The following ARAP2 variants were observed in gnomAD, a reference collection of about 807,000 sequenced individuals.
The protein encoded by ARAP2 is arf-GAP with Rho-GAP domain, ANK repeat and PH domain-containing protein 2.
ARAP2 carries 148 observed loss-of-function variants against 194.5 expected under a neutral mutation model. That is an observed-to-expected ratio of 0.76 (90% CI 0.67 to 0.87). The LOEUF (loss-of-function observed/expected upper bound fraction) is 0.87, where lower values mean the gene tolerates loss of function less well. Among genes scored for constraint, ARAP2 ranks in the 40% least tolerant of loss-of-function variants. The pLI, the probability that ARAP2 is intolerant of heterozygous loss-of-function variation, is 0.00. For synonymous variants in ARAP2, 695 were observed against 683.5 expected, an observed-to-expected ratio of 1.02 and a Z score of -0.26; for missense variants, 2,128 against 1,989.7, an observed-to-expected ratio of 1.07 and a Z score of -1.32.
chr4:36,168,373 G>A (rs899470396), intron 9 of ARAP2, among the ~76,000 whole-genome samples: 5 of 152,148 alleles, frequency 3.3e-5, no homozygotes, highest in African/African-American at 7.2e-5. Flanking sequence ...CTAAGGATGC[G>A]AAAGTGAGGA....
chr4:36,136,818 T>TGC (rs10551785), intron 19 of ARAP2, among the ~76,000 whole-genome samples: 33 of 140,978 alleles, frequency 2.3e-4, no homozygotes, highest in Non-Finnish European at 4.4e-4. Flanking sequence ...TGTGTGTGTG[T>TGC]GCGTGTCTGT....
chr4:36,179,441 C>T (rs1201451520), intron 8 of ARAP2, among the ~76,000 whole-genome samples: 4 of 152,176 alleles, frequency 2.6e-5, no homozygotes, highest in East Asian at 1.9e-4. Context: ...CCGTGGCATG[C>T]GCATCCACGC....
chr4:36,103,764 C>A (rs1717649223), intron 27 of ARAP2, among the ~76,000 whole-genome samples: 1 of 151,740 alleles, frequency 6.6e-6, no homozygotes, highest in South Asian at 2.1e-4. Context: ...TACCTCCTTA[C>A]CTTAAATGAA....
chr4:36,008,106 T>C (rs892809736), intron 9 of ARAP2, among the ~76,000 whole-genome samples: 11 of 152,070 alleles, frequency 7.2e-5, no homozygotes, highest in African/African-American at 2.7e-4. Context: ...ATCACTAAAA[T>C]ACCCGTACTG....
chr4:36,054,134 C>T (rs887767502), intron 2 of ARAP2, among the ~76,000 whole-genome samples: 7 of 152,148 alleles, frequency 4.6e-5, no homozygotes, highest in Non-Finnish European at 8.8e-5. Flanking sequence ...CACTAAAATG[C>T]GCCACTATAA....
chr4:36,168,926 G>A (rs558071253), intron 9 of ARAP2, among the ~76,000 whole-genome samples: 3 of 152,086 alleles, frequency 2.0e-5, no homozygotes, highest in Admixed American at 6.5e-5. Flanking sequence ...ATTTTAATAA[G>A]TTTCAGCCTA....
At chr4:36,156,336 G>T (rs1369291692) in intron 15 of ARAP2, among the ~76,000 whole-genome samples, 1 of 41,570 alleles carries the variant, frequency 2.4e-5, no homozygotes, top group Non-Finnish European at 4.5e-5. Flanking sequence ...AGGGAGGGAG[G>T]GAAAGAGAGA....
chr4:36,084,987 T>C (rs60334489), intron 28 of ARAP2, among the ~76,000 whole-genome samples: 48,811 of 151,924 alleles, frequency 0.32, 9,287 homozygotes, highest in East Asian at 0.5. Flanking sequence ...GGTACATTTA[T>C]TTACCCTATC....
intron 5 of ARAP2, among the ~76,000 whole-genome samples, chr4:36,030,233 C>T (rs1718684156): frequency 6.6e-6 from 1 of 151,960 alleles, no homozygotes; most frequent in Non-Finnish European, 1.5e-5. Context: ...TTTGAAGCTG[C>T]TGTTTAATGT....
intron 15 of ARAP2, 51 bp from the exon 16 acceptor site, chr4:36,151,095 ATTTT>A: frequency 6.6e-7 from 1 of 1,508,206 alleles, no homozygotes; most frequent in Admixed American, 2.3e-5. Context: ...CACGAATCCA[ATTTT>A]AAAAACAAAA....
intron 2 of ARAP2, among the ~76,000 whole-genome samples, chr4:36,218,339 G>A (rs755556065): frequency 2.0e-4 from 31 of 152,076 alleles, no homozygotes; most frequent in Non-Finnish European, 4.0e-4. Context: ...TGAGAGGAAA[G>A]AGAGGATCAG....
intron 7 of ARAP2, among the ~76,000 whole-genome samples, chr4:36,189,889 G>T (rs567687143): frequency 6.6e-6 from 1 of 152,178 alleles, no homozygotes; most frequent in South Asian, 2.1e-4. Context: ...CCTTATATCT[G>T]TCCATTAAAA....
At chr4:36,129,417 A>G (rs1724841684) in intron 20 of ARAP2, among the ~76,000 whole-genome samples, 1 of 151,790 alleles carries the variant, frequency 6.6e-6, no homozygotes, top group African/African-American at 2.4e-5. Flanking sequence ...TGACCACACA[A>G]TCTTGCTTCT....
At chr4:36,181,788 C>T (rs1340983496) in intron 8 of ARAP2, among the ~76,000 whole-genome samples, 1 of 152,188 alleles carries the variant, frequency 6.6e-6, no homozygotes, top group Non-Finnish European at 1.5e-5. Context: ...CTGGAGTTTA[C>T]ACTCTAGTGA....
chr4:36,058,704 T>C (rs191646475), intron 1 of ARAP2, among the ~76,000 whole-genome samples: 4 of 152,148 alleles, frequency 2.6e-5, no homozygotes, highest in African/African-American at 9.6e-5. Context: ...CAGTAGTGAA[T>C]ATGAGATAAG....
At chr4:36,021,789 G>T (rs2109340606) in intron 5 of ARAP2, among the ~76,000 whole-genome samples, 1 of 152,266 alleles carries the variant, frequency 6.6e-6, no homozygotes, top group East Asian at 1.9e-4. Context: ...AAAAATAAGA[G>T]AACCATTGGT....
chr4:36,126,355 G>T (rs1428358809), intron 21 of ARAP2, among the ~76,000 whole-genome samples: 1 of 151,894 alleles, frequency 6.6e-6, no homozygotes, highest in African/African-American at 2.4e-5. Context: ...TAAAATAGAT[G>T]ATATTTTCAA....
chr4:36,090,138 T>C (rs977743018), intron 28 of ARAP2, among the ~76,000 whole-genome samples: 1 of 152,012 alleles, frequency 6.6e-6, no homozygotes, highest in African/African-American at 2.4e-5. Flanking sequence ...CCTCTATGCA[T>C]ATAAACTAGA....
At chr4:36,237,466 G>T (rs1578385044) in intron 1 of ARAP2, among the ~76,000 whole-genome samples, 2 of 152,306 alleles carry the variant, frequency 1.3e-5, no homozygotes, top group Middle Eastern at 3.4e-3. Context: ...AGTCATGGGG[G>T]AGGATCCCTG....
Sources: gnomAD v4.1 joint callset for allele counts (sites outside exome capture counted in the v4.1 genomes callset) on GRCh38, gnomAD v4.1.1 for gene constraint, MANE v1.5 for transcripts, NCBI Gene and HGNC (gene_info 2026-07-23, HGNC 2026-07-21) for gene names.